Variants in PIDD1 observed in about 807,000 individuals in gnomAD.
PIDD1 encodes the protein p53-induced death domain protein 1, also known as p53-induced death domain-containing protein 1.
In PIDD1, 72 loss-of-function variants were observed where a neutral mutation model predicts 80.0. That is an observed-to-expected ratio of 0.90 (90% CI 0.74 to 1.09). PIDD1 has a LOEUF of 1.09. Ranked by LOEUF, PIDD1 falls within the 50% of genes least tolerant of loss-of-function variation. The probability of loss-of-function intolerance (pLI) is 0.00; values close to 1 mark genes in which losing one functional copy is unlikely to be tolerated. For synonymous variants in PIDD1, 655 were observed against 543.5 expected (o/e 1.21, Z -2.85); for missense variants, 1,329 against 1,228.3 (o/e 1.08, Z -1.23).
At chr11:803,656 C>G in intron 2 of PIDD1, 69 bp from the exon 3 acceptor site, 1 of 1,530,348 alleles carries the variant, frequency 6.5e-7, no homozygotes, top group Non-Finnish European at 8.8e-7. Flanking sequence ...CCCTGCCAGC[C>G]AGAGAAACAG....
At chr11:807,404 G>A (rs533852634), upstream of PIDD1, among the ~76,000 whole-genome samples, 134 of 151,940 alleles carry the variant, frequency 8.8e-4, no homozygotes, top group African/African-American at 3.1e-3. Context: ...GTGTGAACCC[G>A]GGAGGCGGAG....
upstream of PIDD1, chr11:805,794 A>AG: frequency 1.8e-6 from 1 of 567,550 alleles, no homozygotes; most frequent in Middle Eastern, 9.0e-4. Context: ...GCAGGGGAGA[A>AG]GGAGGCGTTA....
chr11:801,422 C>G, intron 8 of PIDD1, 23 bp downstream of exon 8: 13 of 1,566,190 alleles, frequency 8.3e-6, no homozygotes, highest in Non-Finnish European at 1.1e-5. Context: ...GGCCTGCCAC[C>G]CTCAGTGCTG....
rs1370598041 is a variant in PIDD1, at chr11:804,317, G to GTCCGAA, written c.66_71dup (p.Ser23_Asp24dup). 1.9e-6 allele frequency: 3 copies of GTCCGAA among 1,612,392 alleles called. No individual in the cohort carries two copies. In the African/African-American group the frequency reaches 4.0e-5, roughly 22 times the overall value. Reference sequence around the variant, plus strand: ...GGAAAGGCAGCGCCCTGGACCCTGCGTCCGAATCCTCTGAAGCATCTCCTG... The same window carrying GTCCGAA: ...GGAAAGGCAGCGCCCTGGACCCTGCGTCCGAATCCGAATCCTCTGAAGCATCTCCTG... On this transcript the variant is annotated inframe_insertion, in exon 2 of 16. Coordinates refer to ENST00000347755, the MANE Select transcript of PIDD1 (RefSeq NM_145886.4).
At position 800,762 on chromosome 11, in the gene PIDD1, C is replaced by G. The variant is rs551445861; in HGVS notation, c.1917G>C (p.Lys639Asn). The change falls in exon 11 of 16, where the codon AAG (lysine) becomes AAC (asparagine). Residue 639 changes from lysine (K) to asparagine (N), a missense_variant and splice_region_variant. Coordinates refer to ENST00000347755, the MANE Select transcript of PIDD1 (RefSeq NM_145886.4). ...QVLLQCLPRN[K>N]VDATLRRLLE... ...GCTGCCCTCCGGCCCGTGCCCCCACCTTGTTTCGGGGCAGGCACTGCAGCA... is the reference window on the plus strand; with the variant it reads ...GCTGCCCTCCGGCCCGTGCCCCCACGTTGTTTCGGGGCAGGCACTGCAGCA... 2.6e-5 allele frequency: 41 copies of G among 1,547,464 alleles called. No homozygotes were observed. The highest frequency in any genetic ancestry group is 3.6e-5 in the Non-Finnish European group (41 of 1,146,870).
In PIDD1 at chr11:800,239, G is replaced by T; in HGVS notation, c.2166C>A (p.Ser722=). The T allele has an allele frequency of 6.2e-7, 1 of 1,610,454 alleles. No homozygotes were observed. The highest frequency in any genetic ancestry group is 1.7e-4 in the Middle Eastern group (1 of 6,052). Residue 722 remains serine (S), a synonymous_variant, in exon 14 of 16, where the codon TCC becomes TCA. Coordinates refer to ENST00000347755, the MANE Select transcript of PIDD1 (RefSeq NM_145886.4). ...REAQAVRGQV[S]FYRGAVPVRV... is the part of the protein sequence containing the mutation. ...GCACAGGCACCGCGCCACGGTAGAAGGACACCTGAAGGGGCATCGAATGGG... is the reference window on the plus strand; with the variant it reads ...GCACAGGCACCGCGCCACGGTAGAATGACACCTGAAGGGGCATCGAATGGG...
upstream of PIDD1, chr11:805,549 G>T: frequency 2.2e-6 from 2 of 923,174 alleles, no homozygotes; most frequent in Non-Finnish European, 2.6e-6. Context: ...CTCCGAGGCA[G>T]ACCCGGCCCC....
chr11:802,537 C>T lies in PIDD1; in HGVS notation c.974+6G>A. 1 of 1,613,188 alleles carries T rather than the reference C, an allele frequency of 6.2e-7. No homozygotes were observed. The highest frequency in any genetic ancestry group is 1.3e-5 in the African/African-American group (1 of 75,054). The stretch of plus-strand genomic sequence containing the variant: ...TCCCCTCCAGCCCCCTCAACCCACC[C>T]CATACCTGTCCAAATCTGAGGTCAG... On this transcript the variant is annotated splice_donor_region_variant and intron_variant, in intron 5 of 15. Coordinates refer to ENST00000347755, the MANE Select transcript of PIDD1 (RefSeq NM_145886.4).
chr11:799,961 G>A lies in PIDD1; in HGVS notation c.2328C>T (p.Pro776=). The change falls in exon 15 of 16, where the codon CCC becomes CCT. Residue 776 remains proline (P), a synonymous_variant. Transcript: ENST00000347755. ...CGGTCTCGGCATCTCCCAGATTCAA[G>A]GGTGCCAAGGAGAGGCCAGCCCCCC... ...PRRGAGLSLA[P]LNLGDAETGF... The A allele has an allele frequency of 6.2e-7, 1 of 1,612,814 alleles. No homozygotes were observed. Among genetic ancestry groups the A allele is most frequent in the Non-Finnish European group, 8.5e-7 (1 of 1,179,940 alleles).
rs754486414 is a variant in PIDD1, at chr11:801,063, G to A, written c.1688C>T (p.Thr563Ile). The A allele has an allele frequency of 2.2e-5, 35 of 1,599,082 alleles. No homozygotes were observed. Among genetic ancestry groups the A allele is most frequent in the Non-Finnish European group, 2.6e-5 (31 of 1,172,880 alleles). ...CACCTGAGCTGTGATGTCATCCCAG[G>A]TGGCTGCAGGAGGGGCCCAGTACAA... ...HLLYWAPPAATWDDITAQVVL... is the reference protein window; with the variant it reads ...HLLYWAPPAAIWDDITAQVVL... Residue 563 changes from threonine to isoleucine, a missense_variant, in exon 10 of 16, where the codon ACC (threonine) becomes ATC (isoleucine). Physicochemically the swap from Thr to Ile is moderately conservative, Grantham distance 89 (BLOSUM62 -1). Transcript: ENST00000347755.
At position 799,815 on chromosome 11, in the gene PIDD1, C is replaced by A; in HGVS notation, c.2474G>T (p.Arg825Leu). 1 of 1,568,950 alleles carries A rather than the reference C, an allele frequency of 6.4e-7. No homozygotes were observed. Among genetic ancestry groups the A allele is most frequent in the East Asian group, 2.3e-5 (1 of 43,628 alleles). The change falls in exon 15 of 16, where the codon CGG becomes CTG. Residue 825 changes from arginine (R) to leucine (L), a missense_variant and splice_region_variant. Coordinates refer to ENST00000347755, the MANE Select transcript of PIDD1 (RefSeq NM_145886.4). ...AGCCAGCGGGCAGTGGGAGCCTCAC[C>A]GGAACTCGTGCCGGATGCGCTGCAC... is the stretch of plus-strand genomic sequence containing the variant. ...REVQRIRHEF[R>L]DDLDEQIRHM...
rs1590131078 is a variant in PIDD1, at chr11:799,457, G to A, written c.2583C>T (p.Asp861=). Reference sequence around the variant, plus strand: ...GCACCTCTTCAGCCACGTCCTGCCGGTCACTCTGCTCCAGGGCCTGCACCA... The same window carrying A: ...GCACCTCTTCAGCCACGTCCTGCCGATCACTCTGCTCCAGGGCCTGCACCA... ...GLLVQALEQS[D]RQDVAEEVRA... The change falls in exon 16 of 16, where the codon GAC becomes GAT. Residue 861 remains aspartate, a synonymous_variant. Transcript: ENST00000347755. 6.2e-7 allele frequency: 1 copy of A among 1,610,184 alleles called. No homozygotes were observed. The highest frequency in any genetic ancestry group is 1.7e-4 in the Middle Eastern group (1 of 6,058).
upstream of PIDD1, among the ~76,000 whole-genome samples, chr11:807,723 G>A (rs539733824): frequency 6.6e-6 from 1 of 152,270 alleles, no homozygotes; most frequent in East Asian, 1.9e-4. Context: ...GTTGCAGTGA[G>A]CCAAGATCAC....
upstream of PIDD1, among the ~76,000 whole-genome samples, chr11:808,131 A>AG (rs1216061804): frequency 6.6e-6 from 1 of 151,736 alleles, no homozygotes; most frequent in African/African-American, 2.4e-5. Flanking sequence ...GATAATAAAA[A>AG]AAAAGTGAGA....
rs1565058450 is a variant in PIDD1 at position 801,487 on chromosome 11, G to GA, written c.1439dup (p.Gly483TrpfsTer4). On this transcript the variant is annotated frameshift_variant, in exon 8 of 16. Transcript: ENST00000347755. LOFTEE classifies it high-confidence loss of function. ...GAGGCTCCTCAGTGGCCCCAGGGGG[G>GA]AAGATGACTTTGACCCCAGGATGAC... 1 of 1,547,748 alleles carries GA rather than the reference G, an allele frequency of 6.5e-7. No individual in the cohort carries two copies. The highest frequency in any genetic ancestry group is 8.7e-7 in the Non-Finnish European group (1 of 1,144,636).
At chr11:803,853 AC>A in intron 2 of PIDD1, 1 of 615,094 alleles carries the variant, frequency 1.6e-6, no homozygotes, top group Non-Finnish European at 2.8e-6. Flanking sequence ...GTCTGGAGAG[AC>A]CCCCACTGGG....
chr11:802,791 C>A lies in PIDD1; in HGVS notation c.810G>T (p.Leu270=), dbSNP rs893837039. 6.2e-6 allele frequency: 10 copies of A among 1,606,118 alleles called. No individual in the cohort carries two copies. Among genetic ancestry groups the A allele is most frequent in the Non-Finnish European group, 8.5e-6 (10 of 1,177,098 alleles). The change falls in exon 4 of 16, where the codon CTG becomes CTT. Residue 270 remains leucine, a synonymous_variant. Coordinates refer to ENST00000347755, the MANE Select transcript of PIDD1 (RefSeq NM_145886.4). Reference sequence around the variant, plus strand: ...GCAGGTCCCGGAGCTGGTTGTCCCTCAGGTCGAGCCGGGTGAGGAGTGGAA... The same window carrying A: ...GCAGGTCCCGGAGCTGGTTGTCCCTAAGGTCGAGCCGGGTGAGGAGTGGAA... ...ARLPLLTRLD[L]RDNQLRDLPP... is the part of the protein sequence containing the mutation.
At position 802,892 on chromosome 11, in the gene PIDD1, C is replaced by A; in HGVS notation, c.710-1G>T. Reference sequence around the variant, plus strand: ...AGGAGCCGCAAGGACCGAAGTCCCGCTGCGGGCAGTTGCTGGCTTAGGCTT... The same window carrying A: ...AGGAGCCGCAAGGACCGAAGTCCCGATGCGGGCAGTTGCTGGCTTAGGCTT... On this transcript the variant is annotated splice_acceptor_variant, in intron 3 of 15. Transcript: ENST00000347755. LOFTEE classifies it high-confidence loss of function. 6.4e-7 allele frequency: 1 copy of A among 1,559,058 alleles called. No homozygotes were observed. Among genetic ancestry groups the A allele is most frequent in the Non-Finnish European group, 8.7e-7 (1 of 1,152,528 alleles).
intron 7 of PIDD1, 79 bp downstream of exon 7, chr11:801,886 G>T: frequency 6.5e-7 from 1 of 1,547,852 alleles, no homozygotes. Flanking sequence ...GAAGGTGCCA[G>T]GGTGAGGCTC....
Sources: gnomAD v4.1 joint callset for allele counts (sites outside exome capture counted in the v4.1 genomes callset) on GRCh38, gnomAD v4.1.1 for gene constraint, MANE v1.5 for transcripts, NCBI Gene and HGNC (gene_info 2026-07-23, HGNC 2026-07-21) for gene names.